Variants in SAMD5 observed in about 807,000 individuals in gnomAD.
SAMD5 encodes sterile alpha motif domain-containing protein 5.
In SAMD5, 13 loss-of-function variants were observed where a neutral mutation model predicts 11.3. That is an observed-to-expected ratio of 1.15 (90% CI 0.75 to 1.83). The LOEUF is 1.83. SAMD5 is among the 40% of genes most tolerant of loss of function. The pLI is 0.00. For synonymous variants in SAMD5, 129 were observed against 111.3 expected (o/e 1.16, Z -1.00); for missense variants, 255 against 239.1 (o/e 1.07, Z -0.44).
the SAMD5 span, among the ~76,000 whole-genome samples, chr6:147,790,744 CTCTCTCTCTCTT>C: frequency 0.11 from 12,542 of 118,832 alleles, 748 homozygotes; most frequent in African/African-American, 0.15. Flanking sequence ...CTCTCTCTCT[CTCTCTCTCTCTT>C]TCTCTCTCTC....
At chr6:147,549,593 C>T (rs956730363) in intron 1 of SAMD5, among the ~76,000 whole-genome samples, 1 of 152,154 alleles carries the variant, frequency 6.6e-6, no homozygotes, top group African/African-American at 2.4e-5. Context: ...AACCCCTTCA[C>T]ACATCGCGTC....
intron 1 of SAMD5, among the ~76,000 whole-genome samples, chr6:147,712,416 A>G (rs962848675): frequency 6.6e-6 from 1 of 152,232 alleles, no homozygotes; most frequent in Non-Finnish European, 1.5e-5. Flanking sequence ...TACAGATGAG[A>G]AATTAATCCC....
chr6:147,840,390 A>C, the SAMD5 span, among the ~76,000 whole-genome samples: 1 of 152,220 alleles, frequency 6.6e-6, no homozygotes, highest in Non-Finnish European at 1.5e-5. Flanking sequence ...ATTCTTCAAG[A>C]TCTATTCTGG....
the SAMD5 span, among the ~76,000 whole-genome samples, chr6:147,878,601 A>ATCTATATG: frequency 6.9e-6 from 1 of 145,560 alleles, no homozygotes; most frequent in African/African-American, 2.5e-5. Flanking sequence ...ATATACATAT[A>ATCTATATG]TATCTATATA....
chr6:147,603,155 G>T (rs900865990), intron 1 of SAMD5, among the ~76,000 whole-genome samples: 2 of 152,072 alleles, frequency 1.3e-5, no homozygotes, highest in Admixed American at 6.5e-5. Flanking sequence ...TCTTCTTGGG[G>T]AATTACATCA....
At chr6:147,652,879 T>C (rs1289826343) in intron 1 of SAMD5, among the ~76,000 whole-genome samples, 5 of 152,192 alleles carry the variant, frequency 3.3e-5, no homozygotes, top group African/African-American at 1.2e-4. Flanking sequence ...TAGATGTCTT[T>C]TTGCCTGTCA....
intron 1 of SAMD5, among the ~76,000 whole-genome samples, chr6:147,670,254 G>T (rs939781516): frequency 2.6e-5 from 4 of 152,164 alleles, no homozygotes; most frequent in African/African-American, 7.2e-5. Context: ...GTGTTGTTAG[G>T]CAGGCTTTGT....
chr6:147,921,274 A>AACACACACACACAC, the SAMD5 span, among the ~76,000 whole-genome samples: 2,340 of 141,020 alleles, frequency 0.017, 44 homozygotes, highest in African/African-American at 0.04. Context: ...GAGAGTATAA[A>AACACACACACACAC]ACACACACAC....
At chr6:147,601,567 C>T (rs1481338020) in intron 1 of SAMD5, among the ~76,000 whole-genome samples, 3 of 152,068 alleles carry the variant, frequency 2.0e-5, no homozygotes, top group Non-Finnish European at 2.9e-5. Flanking sequence ...TTTGATCAGA[C>T]CTTCCCAACG....
the SAMD5 span, among the ~76,000 whole-genome samples, chr6:147,815,398 G>A: frequency 3.9e-5 from 6 of 152,200 alleles, no homozygotes; most frequent in Non-Finnish European, 5.9e-5. Context: ...AGAGCAGAAA[G>A]GCATAAAACC....
rs778848852 is a variant in SAMD5 at position 147,710,635 on chromosome 6, T to C, written c.163-26682T>C. Among the ~76,000 whole-genome samples the C allele has an allele frequency of 1.4e-4, 22 of 152,180 alleles. 1 individual carries two copies. The highest frequency in any genetic ancestry group is 2.9e-4 in the Non-Finnish European group (20 of 68,050). On this transcript the variant is annotated intron_variant, in intron 1 of 1. Coordinates refer to the SAMD5 transcript ENST00000566741. ...TAATAATGGCCCCAAAGTGCAGGAGTAATGATGCTGGCATATTGCTATAAT... is the reference window on the plus strand; with the variant it reads ...TAATAATGGCCCCAAAGTGCAGGAGCAATGATGCTGGCATATTGCTATAAT...
chr6:147,683,410 G>A (rs985824532), intron 1 of SAMD5, among the ~76,000 whole-genome samples: 4 of 152,104 alleles, frequency 2.6e-5, no homozygotes, highest in Non-Finnish European at 5.9e-5. Flanking sequence ...GGTATTTATT[G>A]TATTAGGAAT....
chr6:147,861,168 T>A, the SAMD5 span, among the ~76,000 whole-genome samples: 1 of 141,040 alleles, frequency 7.1e-6, no homozygotes, highest in African/African-American at 2.6e-5. Context: ...ACTGTGATTA[T>A]TTCTTTTTTT....
chr6:147,909,816 A>C, the SAMD5 span, among the ~76,000 whole-genome samples: 1 of 151,938 alleles, frequency 6.6e-6, no homozygotes, highest in Non-Finnish European at 1.5e-5. Context: ...TTTAGAGAAA[A>C]AGTTTGCTAA....
At chr6:147,777,206 ATTAG>A in the SAMD5 span, among the ~76,000 whole-genome samples, 2 of 152,030 alleles carry the variant, frequency 1.3e-5, no homozygotes, top group Non-Finnish European at 2.9e-5. Flanking sequence ...CTCTGCAGCA[ATTAG>A]TTATAACTCG....
the SAMD5 span, among the ~76,000 whole-genome samples, chr6:147,846,236 T>C: frequency 1.3e-3 from 198 of 152,330 alleles, no homozygotes; most frequent in African/African-American, 4.4e-3. Context: ...TTCGGGGATA[T>C]GTGCTGTAAA....
chr6:147,674,722 A>G (rs908255883), intron 1 of SAMD5, among the ~76,000 whole-genome samples: 4 of 152,112 alleles, frequency 2.6e-5, no homozygotes, highest in Admixed American at 1.3e-4. Flanking sequence ...TCGTGTCCTG[A>G]GAGGTAGATA....
At chr6:147,857,896 T>G in the SAMD5 span, among the ~76,000 whole-genome samples, 9 of 152,354 alleles carry the variant, frequency 5.9e-5, 1 homozygote, top group South Asian at 2.1e-4. Flanking sequence ...ATACCTTTAC[T>G]GTCACCTTTG....
chr6:147,522,751 A>G (rs1347877304), intron 1 of SAMD5, among the ~76,000 whole-genome samples: 2 of 152,186 alleles, frequency 1.3e-5, no homozygotes, highest in Admixed American at 6.5e-5. Context: ...TCCTGCCAGT[A>G]ACTTTTTGGA....
Sources: gnomAD v4.1 joint callset for allele counts (sites outside exome capture counted in the v4.1 genomes callset) on GRCh38, gnomAD v4.1.1 for gene constraint, MANE v1.5 for transcripts, NCBI Gene and HGNC (gene_info 2026-07-23, HGNC 2026-07-21) for gene names.